The following UBE2E1 variants were observed in gnomAD, a reference collection of about 807,000 sequenced individuals.
The protein encoded by UBE2E1 is ubiquitin conjugating enzyme E2 E1.
UBE2E1 carries 6 observed loss-of-function variants against 21.4 expected under a neutral mutation model. The ratio of observed to expected loss-of-function variants is 0.28; its 90% CI spans 0.15 to 0.55. The LOEUF (loss-of-function observed/expected upper bound fraction) is 0.55, where lower values mean the gene tolerates loss of function less well. Among genes scored for constraint, UBE2E1 ranks in the 20% least tolerant of loss-of-function variants. The probability of loss-of-function intolerance (pLI) is 0.93; values close to 1 mark genes in which losing one functional copy is unlikely to be tolerated. For missense variants in UBE2E1, 142 were observed against 236.5 expected (o/e 0.60, Z 2.62); for synonymous variants, 87 against 82.7 (o/e 1.05, Z -0.28).
intron 3 of UBE2E1, chr3:23,879,139 A>G (rs949058611): frequency 1.1e-5 from 7 of 613,756 alleles, no homozygotes; most frequent in Admixed American, 8.6e-5. Context: ...TTGGTTTTCT[A>G]TATCCTAGTT....
At position 23,842,411 on chromosome 3, in the gene UBE2E1, A is replaced by G. The variant is rs1700116143; in HGVS notation, c.203+30901A>G. ...CAGGCACATGCCACGATTCCCAGCTAATTTTTCTATTTTTTTGTGGAGACG... is the reference window on the plus strand; with the variant it reads ...CAGGCACATGCCACGATTCCCAGCTGATTTTTCTATTTTTTTGTGGAGACG... On this transcript the variant is annotated intron_variant, in intron 3 of 5. Transcript: ENST00000306627. This position sits in a 1 kb window ranked among gnomAD's most constrained non-coding sequence, Gnocchi z 4.6. Among the ~76,000 whole-genome samples the G allele has an allele frequency of 2.0e-5, 3 of 152,170 alleles. No homozygotes were observed. In the South Asian group the frequency reaches 6.2e-4, roughly 32 times the overall value.
At chr3:23,882,727 C>G (rs1236514796) in intron 3 of UBE2E1, among the ~76,000 whole-genome samples, 1 of 152,254 alleles carries the variant, frequency 6.6e-6, no homozygotes, top group South Asian at 2.1e-4. Context: ...CTGTTGCTGG[C>G]AGGCTGGCAC....
chr3:23,877,540 C>G (rs1700941932), intron 3 of UBE2E1, among the ~76,000 whole-genome samples: 2 of 152,306 alleles, frequency 1.3e-5, no homozygotes, highest in South Asian at 2.1e-4. Context: ...TAGCACCTCC[C>G]TCCCGTTTGT....
At chr3:23,846,368 A>G (rs1330921210) in intron 3 of UBE2E1, among the ~76,000 whole-genome samples, 2 of 152,038 alleles carry the variant, frequency 1.3e-5, no homozygotes, top group Non-Finnish European at 2.9e-5. Flanking sequence ...GTTTGAGTTC[A>G]GCCTGGGCAA....
In UBE2E1 at chr3:23,842,614, A is replaced by T. The variant is rs1319416330; in HGVS notation, c.203+31104A>T. ...GCTGAATTCATAGCTTGAGGAAATAAGTCGGAGTCTCATACCTCTGTGTCA... is the reference window on the plus strand; with the variant it reads ...GCTGAATTCATAGCTTGAGGAAATATGTCGGAGTCTCATACCTCTGTGTCA... On this transcript the variant is annotated intron_variant, in intron 3 of 5. Coordinates refer to ENST00000306627, the MANE Select transcript of UBE2E1 (RefSeq NM_003341.5). This position sits in a 1 kb window ranked among gnomAD's most constrained non-coding sequence, Gnocchi z 4.6. Among the ~76,000 whole-genome samples the T allele has an allele frequency of 6.6e-6, 1 of 152,210 alleles. No individual in the cohort carries two copies. The highest frequency in any genetic ancestry group is 2.4e-5 in the African/African-American group (1 of 41,460).
chr3:23,827,664 A>G (rs1368752642), intron 3 of UBE2E1, among the ~76,000 whole-genome samples: 1 of 152,184 alleles, frequency 6.6e-6, no homozygotes, highest in Non-Finnish European at 1.5e-5. Flanking sequence ...TGAGTTGTTG[A>G]TGTTAAATTT....
chr3:23,889,761 T>C (rs1417843700), intron 5 of UBE2E1: 21 of 985,174 alleles, frequency 2.1e-5, no homozygotes, highest in Non-Finnish European at 2.3e-5. Flanking sequence ...TAAAAAATAT[T>C]TTTCTGTAGT....
intron 3 of UBE2E1, among the ~76,000 whole-genome samples, chr3:23,821,024 A>G (rs1187948175): frequency 3.9e-5 from 6 of 152,236 alleles, no homozygotes; most frequent in African/African-American, 1.4e-4. Flanking sequence ...AATGTTGTAC[A>G]TGTGACAGCA....
At chr3:23,884,465 G>C (rs954561972) in intron 3 of UBE2E1, among the ~76,000 whole-genome samples, 2 of 152,146 alleles carry the variant, frequency 1.3e-5, no homozygotes, top group African/African-American at 4.8e-5. Flanking sequence ...CATCGGGCCT[G>C]GGGTGGGGTC....
At chr3:23,854,302 G>T (rs1700390167) in intron 3 of UBE2E1, among the ~76,000 whole-genome samples, 1 of 151,844 alleles carries the variant, frequency 6.6e-6, no homozygotes. Flanking sequence ...TTCAGAGAGG[G>T]TATTTAACTT....
At chr3:23,815,787 T>C (rs531258059) in intron 3 of UBE2E1, among the ~76,000 whole-genome samples, 2 of 152,392 alleles carry the variant, frequency 1.3e-5, no homozygotes, top group Non-Finnish European at 2.9e-5. Flanking sequence ...CTAAAAAGTA[T>C]TCTTCCTTTT....
intron 3 of UBE2E1, among the ~76,000 whole-genome samples, chr3:23,862,350 T>G (rs1290156458): frequency 2.6e-5 from 4 of 152,172 alleles, no homozygotes; most frequent in African/African-American, 9.7e-5. Context: ...GGTCACCCTT[T>G]CCCCTGAAAA....
intron 2 of UBE2E1, chr3:23,811,020 G>A (rs1407351319): frequency 5.8e-6 from 1 of 172,854 alleles, no homozygotes; most frequent in Non-Finnish European, 1.2e-5. Context: ...CCCTGCCGGG[G>A]TGGGCATGGG....
intron 3 of UBE2E1, among the ~76,000 whole-genome samples, chr3:23,841,964 G>T (rs1283797211): frequency 6.6e-6 from 1 of 152,068 alleles, no homozygotes; most frequent in African/African-American, 2.4e-5. Flanking sequence ...CTGTTAGAGG[G>T]CAAAATGGGA....
intron 3 of UBE2E1, among the ~76,000 whole-genome samples, chr3:23,817,763 G>T (rs1224181696): frequency 6.6e-6 from 1 of 152,202 alleles, no homozygotes; most frequent in Non-Finnish European, 1.5e-5. Flanking sequence ...CTATTGGGCA[G>T]AAGTGAGTAA....
chr3:23,840,652 G>A (rs189165969), intron 3 of UBE2E1, among the ~76,000 whole-genome samples: 4 of 152,322 alleles, frequency 2.6e-5, no homozygotes, highest in Admixed American at 2.0e-4. Context: ...AGCCCTGTGC[G>A]AGCTCTGGGG....
intron 3 of UBE2E1, among the ~76,000 whole-genome samples, chr3:23,825,005 C>A (rs541568169): frequency 1.3e-5 from 2 of 152,206 alleles, no homozygotes; most frequent in Non-Finnish European, 2.9e-5. Flanking sequence ...AGTTCCCCAA[C>A]AAGTATATAC....
chr3:23,848,314 C>T (rs1270345033), intron 3 of UBE2E1, among the ~76,000 whole-genome samples: 2 of 151,946 alleles, frequency 1.3e-5, no homozygotes, highest in Non-Finnish European at 2.9e-5. Context: ...CTTAAAAATA[C>T]AAAAATTAGC....
intron 3 of UBE2E1, among the ~76,000 whole-genome samples, chr3:23,846,565 A>G (rs4858549): frequency 0.76 from 115,074 of 151,956 alleles, 43,973 homozygotes; most frequent in African/African-American, 0.8. Context: ...GTATGGTGGC[A>G]CATGCCTGTG....
Sources: gnomAD v4.1 joint callset for allele counts (sites outside exome capture counted in the v4.1 genomes callset) on GRCh38, gnomAD v4.1.1 for gene constraint, Gnocchi (gnomAD v3.1) non-coding constraint, MANE v1.5 for transcripts, NCBI Gene and HGNC (gene_info 2026-07-23, HGNC 2026-07-21) for gene names.